The following ACAP2 variants were observed in gnomAD, a reference collection of about 807,000 sequenced individuals.
ACAP2 encodes the protein ArfGAP with coiled-coil, ankyrin repeat and PH domains 2, also known as arf-GAP with coiled-coil, ANK repeat and PH domain-containing protein 2.
ACAP2 carries 39 observed loss-of-function variants against 115.8 expected under a neutral mutation model. The ratio of observed to expected loss-of-function variants is 0.34; its 90% CI spans 0.26 to 0.44. ACAP2 has a LOEUF of 0.44. Ranked by LOEUF, ACAP2 falls within the 20% of genes least tolerant of loss-of-function variation. The probability of loss-of-function intolerance (pLI) is 1.00; values close to 1 mark genes in which losing one functional copy is unlikely to be tolerated. For missense variants in ACAP2, 662 were observed against 927.6 expected (o/e 0.71, Z 3.72); for synonymous variants, 289 against 315.8 (o/e 0.92, Z 0.90).
chr3:195,392,755 C>A (rs1252857087), intron 1 of ACAP2, among the ~76,000 whole-genome samples: 1 of 152,108 alleles, frequency 6.6e-6, no homozygotes, highest in Admixed American at 6.5e-5. Flanking sequence ...ATTATAATAA[C>A]AGTTAGCACT....
At chr3:195,293,862 G>A (rs989920095) in intron 18 of ACAP2, among the ~76,000 whole-genome samples, 6 of 151,934 alleles carry the variant, frequency 3.9e-5, no homozygotes, top group Non-Finnish European at 7.4e-5. Flanking sequence ...GGGCAGCCTC[G>A]GTGGCTCGCG....
rs865872931 is a variant in ACAP2 at position 195,287,428 on chromosome 3, T to G, written c.2175-1571A>C. Among the ~76,000 whole-genome samples, 7 of 150,896 alleles carry G rather than the reference T, an allele frequency of 4.6e-5. No individual in the cohort carries two copies. In the South Asian group the frequency reaches 1.5e-3, roughly 32 times the overall value. ...AATTTTTTTTTTTTTTGAGACAGGG[T>G]CTCATTCATCCTCCCAAGTAGCTAC... On this transcript the variant is annotated intron_variant, in intron 21 of 22. Coordinates refer to ENST00000326793, the MANE Select transcript of ACAP2 (RefSeq NM_012287.6).
At chr3:195,420,755 G>A (rs952635504) in intron 1 of ACAP2, among the ~76,000 whole-genome samples, 8 of 152,004 alleles carry the variant, frequency 5.3e-5, no homozygotes, top group South Asian at 2.1e-4. Flanking sequence ...TGATTCTCCC[G>A]CCTCAGCCTC....
At chr3:195,351,923 T>C (rs1560276203) in intron 4 of ACAP2, among the ~76,000 whole-genome samples, 2 of 152,228 alleles carry the variant, frequency 1.3e-5, no homozygotes, top group African/African-American at 4.8e-5. Flanking sequence ...TTGCTGAGCA[T>C]GTGGAACCCC....
chr3:195,291,894 G>A (rs1727282826), intron 19 of ACAP2, 79 bp from the exon 20 acceptor site: 3 of 1,237,746 alleles, frequency 2.4e-6, no homozygotes, highest in Non-Finnish European at 3.3e-6. Context: ...AAAAACAATT[G>A]GTTTTCGTTA....
chr3:195,329,548 C>T (rs1730035589), intron 8 of ACAP2, among the ~76,000 whole-genome samples: 1 of 152,106 alleles, frequency 6.6e-6, no homozygotes, highest in South Asian at 2.1e-4. Flanking sequence ...CCAGCTACCA[C>T]ATTCTTTCCC....
intron 8 of ACAP2, among the ~76,000 whole-genome samples, chr3:195,329,909 C>T (rs1034426822): frequency 6.6e-6 from 1 of 152,078 alleles, no homozygotes; most frequent in Admixed American, 6.6e-5. Flanking sequence ...CTTATGTCCC[C>T]GCCCCAAGTC....
At chr3:195,370,724 G>A (rs114291491) in intron 4 of ACAP2, among the ~76,000 whole-genome samples, 2,822 of 152,190 alleles carry the variant, frequency 0.019, 36 homozygotes, top group Admixed American at 0.029. Context: ...GCCAAGGCAG[G>A]GGATCACTTG....
chr3:195,360,987 A>AGG (rs1560286176), intron 4 of ACAP2, among the ~76,000 whole-genome samples: 1 of 78,926 alleles, frequency 1.3e-5, no homozygotes, highest in East Asian at 2.1e-3. Context: ...AGAAACTCAA[A>AGG]AAAAAAAAAA....
intron 4 of ACAP2, among the ~76,000 whole-genome samples, chr3:195,375,179 A>G (rs1177746194): frequency 1.3e-5 from 2 of 151,982 alleles, no homozygotes; most frequent in African/African-American, 4.8e-5. Flanking sequence ...GTGACAGAGT[A>G]AGACTGTCTC....
At chr3:195,326,669 T>C (rs1253322403) in intron 9 of ACAP2, 1 of 463,378 alleles carries the variant, frequency 2.2e-6, no homozygotes, top group Non-Finnish European at 3.8e-6. Context: ...ATAAACTGGT[T>C]CAAGAAGCAT....
At chr3:195,382,751 C>T (rs1734034152) in intron 2 of ACAP2, among the ~76,000 whole-genome samples, 1 of 151,952 alleles carries the variant, frequency 6.6e-6, no homozygotes, top group Non-Finnish European at 1.5e-5. Flanking sequence ...AAAACTGCTG[C>T]CCTGAGACCT....
At chr3:195,354,068 C>T (rs180691221) in intron 4 of ACAP2, among the ~76,000 whole-genome samples, 8 of 152,284 alleles carry the variant, frequency 5.3e-5, no homozygotes, top group Admixed American at 3.9e-4. Context: ...TTAGCTCCCC[C>T]ACTTATAAAT....
At chr3:195,313,558 C>T (rs1299358749) in intron 10 of ACAP2, among the ~76,000 whole-genome samples, 3 of 152,184 alleles carry the variant, frequency 2.0e-5, no homozygotes, top group South Asian at 2.1e-4. Context: ...GCCACACATA[C>T]GTAGTATTAA....
chr3:195,291,740 G>A lies in ACAP2; in HGVS notation c.2029C>T (p.Pro677Ser). The change falls in exon 20 of 23, where the codon CCA becomes TCA. Residue 677 changes from proline to serine, a missense_variant. By Grantham distance (74) the Pro-to-Ser change is moderately conservative (BLOSUM62 -1). Coordinates refer to ENST00000326793, the MANE Select transcript of ACAP2 (RefSeq NM_012287.6). ...CCTAAGACGGTGGCATGGTGCAATG[G>A]TCCCCGCCCTTGGACATCTCTTTGG... is the stretch of plus-strand genomic sequence containing the variant. Reference protein sequence around the residue: ...VNQRDVQGRGPLHHATVLGHT... With the variant: ...VNQRDVQGRGSLHHATVLGHT... The A allele has an allele frequency of 6.2e-7, 1 of 1,614,098 alleles. No homozygotes were observed. The highest frequency in any genetic ancestry group is 8.5e-7 in the Non-Finnish European group (1 of 1,180,000).
rs1270004730 is a variant in ACAP2 at position 195,278,320 on chromosome 3, C to T, written c.*1008G>A. 2 of 151,998 alleles carry T rather than the reference C, an allele frequency of 1.3e-5. No individual in the cohort carries two copies. The highest frequency in any genetic ancestry group is 2.9e-5 in the Non-Finnish European group (2 of 68,002). 9.4% of individuals were successfully genotyped at this position (151,998 alleles called of 1,614,324 possible). On this transcript the variant is annotated 3_prime_UTR_variant, in exon 23 of 23. Coordinates refer to ENST00000326793, the MANE Select transcript of ACAP2 (RefSeq NM_012287.6). ...AGAAAAAATAAACAGCAATTTATTG[C>T]TATATATTTTAGTATTAACTAAGAA... is the stretch of plus-strand genomic sequence containing the variant.
At chr3:195,417,225 C>T (rs1713810546) in intron 1 of ACAP2, among the ~76,000 whole-genome samples, 1 of 151,778 alleles carries the variant, frequency 6.6e-6, no homozygotes, top group Admixed American at 6.6e-5. Context: ...AGCCACCACA[C>T]CTGGCCTCAA....
chr3:195,314,326 G>T (rs530681820), intron 10 of ACAP2, among the ~76,000 whole-genome samples: 1 of 151,910 alleles, frequency 6.6e-6, no homozygotes, highest in African/African-American at 2.4e-5. Context: ...GAGTGCAGTG[G>T]TAAAATCTCG....
intron 9 of ACAP2, 71 bp from the exon 10 acceptor site, chr3:195,320,884 GAA>G: frequency 1.0e-6 from 1 of 1,001,000 alleles, no homozygotes; most frequent in South Asian, 1.5e-5. Flanking sequence ...TGGATCCTAA[GAA>G]AAGAGTTCAA....
Sources: allele counts gnomAD v4.1 joint callset (sites outside exome capture counted in the v4.1 genomes callset), GRCh38; gene constraint gnomAD v4.1.1; transcripts MANE v1.5; gene names NCBI Gene and HGNC (gene_info 2026-07-23, HGNC 2026-07-21).